DOCK8: variants seen among roughly 807,000 people sequenced by gnomAD.
DOCK8 encodes dedicator of cytokinesis protein 8.
DOCK8 carries 141 observed loss-of-function variants against 245.6 expected under a neutral mutation model. The ratio of observed to expected loss-of-function variants is 0.57; its 90% CI spans 0.50 to 0.66. The LOEUF is 0.66. Among genes scored for constraint, DOCK8 ranks in the 30% least tolerant of loss-of-function variants. The pLI is 0.00. For synonymous variants in DOCK8, 1,168 were observed against 970.2 expected (o/e 1.20, Z -3.79); for missense variants, 2,965 against 2,603.4 (o/e 1.14, Z -3.02).
chr9:432,112 ACTG>A, intron 36 of DOCK8, 51 bp from the exon 37 acceptor site: 3 of 1,590,670 alleles, frequency 1.9e-6, no homozygotes, highest in Middle Eastern at 1.7e-4. Flanking sequence ...TCAGTTATCT[ACTG>A]CTAAGTGTGT....
intron 36 of DOCK8, among the ~76,000 whole-genome samples, chr9:430,610 A>G (rs2056672374): frequency 1.3e-5 from 2 of 151,520 alleles, no homozygotes; most frequent in African/African-American, 4.8e-5. Flanking sequence ...TGAACCCAGG[A>G]GGCAGAGGTT....
rs534376161 is a variant in DOCK8 at position 236,030 on chromosome 9, C to T, written c.53+21001C>T. On this transcript the variant is annotated intron_variant, in intron 1 of 47. Coordinates refer to ENST00000432829, the MANE Select transcript of DOCK8 (RefSeq NM_203447.4). The stretch of plus-strand genomic sequence containing the variant: ...GCTGTAGACTGGAGCTGTTCCTATT[C>T]GGCCATCTTGGCTCCTCCCCTTATT... Among the ~76,000 whole-genome samples the T allele has an allele frequency of 3.6e-4, 55 of 152,270 alleles. No individual in the cohort carries two copies. In the East Asian group the frequency reaches 6.2e-3, roughly 17 times the overall value.
chr9:282,850 A>G (rs1248720346), intron 2 of DOCK8, among the ~76,000 whole-genome samples: 2 of 152,144 alleles, frequency 1.3e-5, no homozygotes, highest in East Asian at 1.9e-4. Flanking sequence ...GCTTCAAACT[A>G]TGCTTCAGTA....
intron 44 of DOCK8, among the ~76,000 whole-genome samples, chr9:447,351 G>A (rs574926254): frequency 1.3e-5 from 2 of 152,288 alleles, no homozygotes; most frequent in African/African-American, 4.8e-5. Flanking sequence ...CTCTGTGACT[G>A]TGGGTTTGCT....
intron 1 of DOCK8, among the ~76,000 whole-genome samples, chr9:218,409 A>G (rs1350454484): frequency 6.6e-6 from 1 of 152,142 alleles, no homozygotes; most frequent in Non-Finnish European, 1.5e-5. Context: ...GGTGAAATTA[A>G]TTTTCTTGTA....
intron 44 of DOCK8, among the ~76,000 whole-genome samples, chr9:448,785 T>C (rs1466333728): frequency 2.0e-5 from 3 of 152,180 alleles, no homozygotes; most frequent in African/African-American, 7.2e-5. Context: ...AAAGACCCTA[T>C]CTCCAAAGAA....
chr9:381,959 T>TAA (rs74820255), intron 21 of DOCK8, among the ~76,000 whole-genome samples: 4,515 of 142,908 alleles, frequency 0.032, 202 homozygotes, highest in African/African-American at 0.11. Flanking sequence ...GACCCTGTCT[T>TAA]AAAAAAAAAA....
intron 1 of DOCK8, among the ~76,000 whole-genome samples, chr9:261,730 C>A (rs911457720): frequency 1.3e-5 from 2 of 152,024 alleles, no homozygotes; most frequent in Non-Finnish European, 2.9e-5. Context: ...TAATATTTTT[C>A]CTCTACTTTT....
chr9:406,186 T>C (rs1454769331), intron 27 of DOCK8, among the ~76,000 whole-genome samples: 2 of 152,172 alleles, frequency 1.3e-5, no homozygotes, highest in Non-Finnish European at 2.9e-5. Flanking sequence ...ACAATGTGCT[T>C]AAGCCAAATT....
At chr9:445,118 G>C (rs2057210776) in intron 43 of DOCK8, among the ~76,000 whole-genome samples, 1 of 152,196 alleles carries the variant, frequency 6.6e-6, no homozygotes, top group Admixed American at 6.5e-5. Flanking sequence ...CAGTGGCTGT[G>C]GTAAGAGTTT....
chr9:222,195 T>G (rs1026189765), intron 1 of DOCK8, among the ~76,000 whole-genome samples: 1 of 151,568 alleles, frequency 6.6e-6, no homozygotes, highest in Non-Finnish European at 1.5e-5. Flanking sequence ...ACCAGGAGTT[T>G]GAGGCTGCAG....
intron 18 of DOCK8, among the ~76,000 whole-genome samples, chr9:373,183 A>T (rs938480718): frequency 1.2e-4 from 19 of 152,128 alleles, no homozygotes; most frequent in African/African-American, 4.6e-4. Context: ...AATAAATAAA[A>T]AATAAATAAA....
At chr9:318,894 C>T (rs2050462719) in intron 7 of DOCK8, among the ~76,000 whole-genome samples, 1 of 152,224 alleles carries the variant, frequency 6.6e-6, no homozygotes, top group African/African-American at 2.4e-5. Flanking sequence ...AAATTCTCCT[C>T]TATGGTGCTC....
intron 25 of DOCK8, among the ~76,000 whole-genome samples, chr9:398,130 T>C (rs1377169984): frequency 6.6e-6 from 1 of 152,196 alleles, no homozygotes; most frequent in African/African-American, 2.4e-5. Context: ...TATCTCCACA[T>C]TGGCAGGTGT....
chr9:212,487 A>C (rs1483522205), upstream of DOCK8, among the ~76,000 whole-genome samples: 1 of 152,230 alleles, frequency 6.6e-6, no homozygotes, highest in Non-Finnish European at 1.5e-5. Flanking sequence ...AAAACGAAAG[A>C]GGCAGTGAGA....
At chr9:296,244 A>C (rs1000327709) in intron 4 of DOCK8, among the ~76,000 whole-genome samples, 4 of 152,160 alleles carry the variant, frequency 2.6e-5, no homozygotes, top group Non-Finnish European at 5.9e-5. Context: ...TGTGTGGATT[A>C]ATATTTGATG....
In DOCK8 at chr9:434,913, G is replaced by T. The variant is rs1178170951; in HGVS notation, c.5017G>T (p.Ala1673Ser). 3.1e-6 allele frequency: 5 copies of T among 1,613,794 alleles called. No individual in the cohort carries two copies. Among genetic ancestry groups the T allele is most frequent in the Non-Finnish European group, 3.4e-6 (4 of 1,180,042 alleles). The part of the protein sequence containing the change: ...MCLVHAAALV[A>S]EYLSMLEDHS... ...CCTGGTGCACGCCGCTGCGTTAGTG[G>T]CTGAGTATCTGAGCATGCTGGAGGA... The change falls in exon 39 of 48, where the codon GCT (alanine) becomes TCT (serine). Residue 1673 changes from alanine (A) to serine (S), a missense_variant. Ala to Ser is a moderately conservative substitution (Grantham distance 99). Coordinates refer to ENST00000432829, the MANE Select transcript of DOCK8 (RefSeq NM_203447.4).
intron 10 of DOCK8, 140 bp downstream of exon 10, chr9:332,618 G>C: frequency 2.2e-5 from 7 of 315,646 alleles, no homozygotes; most frequent in East Asian, 1.6e-4. Context: ...TTAAATAAAA[G>C]AGGAAAAGAA....
At chr9:356,360 C>G (rs927080290) in intron 14 of DOCK8, among the ~76,000 whole-genome samples, 1 of 151,870 alleles carries the variant, frequency 6.6e-6, no homozygotes, top group South Asian at 2.1e-4. Flanking sequence ...AACCCCGTCT[C>G]TACTAAAAAT....
Sources: allele counts gnomAD v4.1 joint callset (sites outside exome capture counted in the v4.1 genomes callset), GRCh38; gene constraint gnomAD v4.1.1; transcripts MANE v1.5; gene names NCBI Gene and HGNC (gene_info 2026-07-23, HGNC 2026-07-21).